The following PHC1 variants were observed in gnomAD, a reference collection of about 807,000 sequenced individuals.
PHC1 encodes polyhomeotic homolog 1.
PHC1 carries 12 observed loss-of-function variants against 104.3 expected under a neutral mutation model. The ratio of observed to expected loss-of-function variants is 0.12; its 90% confidence interval spans 0.07 to 0.19. The LOEUF (loss-of-function observed/expected upper bound fraction) is 0.19. Ranked by LOEUF, PHC1 falls within the 10% of genes least tolerant of loss-of-function variation. The pLI, the probability that PHC1 is intolerant of heterozygous loss-of-function variation, is 1.00. For synonymous variants in PHC1, 302 were observed against 455.8 expected (o/e 0.66, Z 4.30); for missense variants, 671 against 1,200.0 (o/e 0.56, Z 6.51).
Position 8,933,923 on chromosome 12 carries a change from A to G in PHC1, c.1952A>G (p.Asp651Gly), listed in dbSNP as rs1256651775. The change falls in exon 9 of 15, where the codon GAT becomes GGT. Residue 651 changes from aspartate to glycine, a missense_variant. By Grantham distance (94) the Asp-to-Gly change is moderately conservative. Around this residue, in one of 9 missense-constraint regions of PHC1, gnomAD observed 95 missense variants for 108.8 expected, o/e 0.87. Transcript: ENST00000544916. ...GCTGACTCTGAGGAGGAGAGAGATG[A>G]TGTCTCCACATTGGGTTCAATGCTT... Reference protein sequence around the residue: ...RKADSEEERDDVSTLGSMLPA... With the variant: ...RKADSEEERDGVSTLGSMLPA... The G allele has an allele frequency of 1.9e-6, 3 of 1,608,952 alleles. No homozygotes were observed. Among genetic ancestry groups the G allele is most frequent in the Admixed American group, 1.7e-5 (1 of 60,018 alleles).
chr12:8,931,450 C>T (rs1396475397), intron 7 of PHC1, among the ~76,000 whole-genome samples: 1 of 152,176 alleles, frequency 6.6e-6, no homozygotes, highest in African/African-American at 2.4e-5. Flanking sequence ...CCTGTAATCC[C>T]AGCACTTTGG....
chr12:8,921,175 G>C, intron 4 of PHC1, 110 bp downstream of exon 4: 1 of 753,932 alleles, frequency 1.3e-6, no homozygotes, highest in Non-Finnish European at 2.1e-6. Context: ...TCAGTGGATA[G>C]TTACTGCTTT....
At chr12:8,915,932 A>G (rs1475643268) in intron 1 of PHC1, 2 of 154,386 alleles carry the variant, frequency 1.3e-5, no homozygotes, top group Non-Finnish European at 2.9e-5. Flanking sequence ...TGTAGGAATT[A>G]TGTTCTCTAT....
chr12:8,930,548 G>C lies in PHC1; in HGVS notation c.726G>C (p.Gln242His), dbSNP rs1363150671. 1.9e-6 allele frequency: 3 copies of C among 1,568,172 alleles called. No individual in the cohort carries two copies. The highest frequency in any genetic ancestry group is 8.6e-7 in the Non-Finnish European group (1 of 1,156,514). The change falls in exon 7 of 15, where the codon CAG becomes CAC. Residue 242 changes from glutamine to histidine, a missense_variant. Physicochemically the swap from Gln to His is conservative, Grantham distance 24. Transcript: ENST00000544916. ...CCTCCCCTGTCTCTAGCCTCTCCCA[G>C]GCCTCTAGCCAGGCCCTAGCGGTGG... ...PGASPVSSLSQASSQALAVAQ... is the reference protein window; with the variant it reads ...PGASPVSSLSHASSQALAVAQ...
In PHC1 at chr12:8,930,550, C is replaced by A; in HGVS notation, c.728C>A (p.Ala243Asp). 1 of 1,568,700 alleles carries A rather than the reference C, an allele frequency of 6.4e-7. No homozygotes were observed. Among genetic ancestry groups the A allele is most frequent in the Non-Finnish European group, 8.6e-7 (1 of 1,156,772 alleles). ...TCCCCTGTCTCTAGCCTCTCCCAGG[C>A]CTCTAGCCAGGCCCTAGCGGTGGCA... ...GASPVSSLSQASSQALAVAQA... is the reference protein window; with the variant it reads ...GASPVSSLSQDSSQALAVAQA... The change falls in exon 7 of 15, where the codon GCC (alanine) becomes GAC (aspartate). Residue 243 changes from alanine (A) to aspartate (D), a missense_variant. Physicochemically the swap from Ala to Asp is moderately radical, Grantham distance 126 (BLOSUM62 -2). Coordinates refer to ENST00000544916, the MANE Select transcript of PHC1 (RefSeq NM_004426.3).
In PHC1 at chr12:8,936,624, C is replaced by G. The variant is rs149433106; in HGVS notation, c.2369-232C>G. 3.3e-3 allele frequency among the ~76,000 whole-genome samples: 509 copies of G among 152,224 alleles called. 3 individuals carry two copies. Among genetic ancestry groups the G allele is most frequent in the African/African-American group, 0.011 (473 of 41,530 alleles). On this transcript the variant is annotated intron_variant, in intron 11 of 14. Transcript: ENST00000544916. ...AATTAGGATAAAATTAGTAAGACATCTAAAATGGAGAGAGTTCGGCTTAAG... is the reference window on the plus strand; with the variant it reads ...AATTAGGATAAAATTAGTAAGACATGTAAAATGGAGAGAGTTCGGCTTAAG...
At chr12:8,928,445 G>T (rs1358370717) in intron 6 of PHC1, among the ~76,000 whole-genome samples, 1 of 152,084 alleles carries the variant, frequency 6.6e-6, no homozygotes, top group Non-Finnish European at 1.5e-5. Context: ...TATTTACTCT[G>T]TAATTTTTAA....
At chr12:8,936,990 C>T (rs372930482) in intron 12 of PHC1, 26 bp downstream of exon 12, 38 of 1,509,070 alleles carry the variant, frequency 2.5e-5, no homozygotes, top group Non-Finnish European at 3.5e-5. Context: ...TCCTCCTTGC[C>T]CTCAGCACTG....
At chr12:8,931,147 T>G (rs1223736520) in intron 7 of PHC1, among the ~76,000 whole-genome samples, 1 of 152,236 alleles carries the variant, frequency 6.6e-6, no homozygotes, top group Non-Finnish European at 1.5e-5. Flanking sequence ...TACCAGGCAG[T>G]AGTCAGCTTA....
rs200747002 is a variant in PHC1 at position 8,933,998 on chromosome 12, A to G, written c.2027A>G (p.Lys676Arg). ...GAAAGCCCAAAAGTCATGGACGAGA[A>G]GAGCAGTCTTGGAGGTGAGTAACTG... ...VAESPKVMDE[K>R]SSLGEKAESV... Residue 676 changes from lysine to arginine, a missense_variant, in exon 9 of 15, where the codon AAG becomes AGG. By Grantham distance (26) the Lys-to-Arg change is conservative. This residue lies in a region of PHC1 where 95 missense variants were observed against 108.8 expected (regional missense o/e 0.87). Transcript: ENST00000544916. 209 of 1,614,190 alleles carry G rather than the reference A, an allele frequency of 1.3e-4. No individual in the cohort carries two copies. The highest frequency in any genetic ancestry group is 4.9e-4 in the Middle Eastern group (3 of 6,062).
chr12:8,927,116 A>C (rs929489192), intron 6 of PHC1, among the ~76,000 whole-genome samples: 1 of 152,222 alleles, frequency 6.6e-6, no homozygotes, highest in Non-Finnish European at 1.5e-5. Context: ...ACCAAATGTT[A>C]CAAGATGTGC....
chr12:8,929,767 G>A (rs929591114), intron 6 of PHC1, among the ~76,000 whole-genome samples: 3 of 152,096 alleles, frequency 2.0e-5, no homozygotes, highest in African/African-American at 4.8e-5. Context: ...CAGTCTGTCC[G>A]TCTTGGCCTC....
chr12:8,924,267 A>G (rs1296927124), intron 6 of PHC1, among the ~76,000 whole-genome samples: 8 of 152,198 alleles, frequency 5.3e-5, no homozygotes, highest in African/African-American at 1.7e-4. Context: ...ACCTGAGGTC[A>G]GGAGTTCAAG....
Position 8,936,920 on chromosome 12 carries a change from G to C in PHC1, c.2433G>C (p.Gln811His), listed in dbSNP as rs1283961367. ...GTGGGAAGTACGCCCCCGCAGAGCA[G>C]TTTCGTGGCTCTAAGAGGTTCTGCT... is the stretch of plus-strand genomic sequence containing the variant. ...EYCGKYAPAE[Q>H]FRGSKRFCSM... is the part of the protein sequence containing the mutation. Residue 811 changes from glutamine (Q) to histidine (H), a missense_variant, in exon 12 of 15, where the codon CAG becomes CAC. Gln to His is a conservative substitution (Grantham distance 24). This residue lies in a region of PHC1 where 192 missense variants were observed against 280.5 expected (regional missense o/e 0.68). Transcript: ENST00000544916. The C allele has an allele frequency of 6.2e-7, 1 of 1,613,228 alleles. No individual in the cohort carries two copies. Among genetic ancestry groups the C allele is most frequent in the Non-Finnish European group, 8.5e-7 (1 of 1,179,358 alleles).
In PHC1 at chr12:8,934,251, T is replaced by C. The variant is rs1469352819; in HGVS notation, c.2042-16T>C. ...GTCATCTCATGTCTGTTGCTTAATCTGTGTTTGTTTTCCAGAAAAAGCTGA... is the reference window on the plus strand; with the variant it reads ...GTCATCTCATGTCTGTTGCTTAATCCGTGTTTGTTTTCCAGAAAAAGCTGA... On this transcript the variant is annotated splice_polypyrimidine_tract_variant and intron_variant, in intron 9 of 14. Coordinates refer to ENST00000544916, the MANE Select transcript of PHC1 (RefSeq NM_004426.3). 2.5e-6 allele frequency: 4 copies of C among 1,596,050 alleles called. No homozygotes were observed. The highest frequency in any genetic ancestry group is 1.1e-5 in the South Asian group (1 of 90,286).
chr12:8,925,256 C>T (rs546300936), intron 6 of PHC1, among the ~76,000 whole-genome samples: 6 of 152,174 alleles, frequency 3.9e-5, no homozygotes, highest in East Asian at 3.9e-4. Flanking sequence ...TGAGTTGCTG[C>T]GTTTGACTGC....
At chr12:8,926,339 G>A (rs759996505) in intron 6 of PHC1, among the ~76,000 whole-genome samples, 2 of 152,170 alleles carry the variant, frequency 1.3e-5, no homozygotes, top group African/African-American at 2.4e-5. Flanking sequence ...TGGAGAGGCC[G>A]GGCACAGTGG....
Position 8,927,140 on chromosome 12 carries a change from C to T in PHC1, c.613-3295C>T, listed in dbSNP as rs774679841. On this transcript the variant is annotated intron_variant, in intron 6 of 14. Coordinates refer to ENST00000544916, the MANE Select transcript of PHC1 (RefSeq NM_004426.3). Reference sequence around the variant, plus strand: ...TACAAGATGTGCATGTGTGCATGCGCGCATGCGTGGGCAGGGGGCATCTCT... The same window carrying T: ...TACAAGATGTGCATGTGTGCATGCGTGCATGCGTGGGCAGGGGGCATCTCT... Among the ~76,000 whole-genome samples the T allele has an allele frequency of 2.6e-5, 4 of 152,144 alleles. No homozygotes were observed. In the South Asian group the frequency reaches 8.3e-4, roughly 32 times the overall value.
chr12:8,928,515 C>T (rs73055721), intron 6 of PHC1, among the ~76,000 whole-genome samples: 4,868 of 152,208 alleles, frequency 0.032, 97 homozygotes, highest in Non-Finnish European at 0.049. Context: ...AGTAACGAGC[C>T]TTCTGATTTC....
Sources: allele counts gnomAD v4.1 joint callset (sites outside exome capture counted in the v4.1 genomes callset), GRCh38; gene constraint gnomAD v4.1.1; regional missense constraint gnomAD v4.1.1; transcripts MANE v1.5; gene names NCBI Gene and HGNC (gene_info 2026-07-23, HGNC 2026-07-21).